The following DDX55 variants were observed in gnomAD, a reference collection of about 807,000 sequenced individuals.
The protein encoded by DDX55 is DEAD-box helicase 55.
In DDX55, 56 loss-of-function variants were observed where a neutral mutation model predicts 69.2. The ratio of observed to expected loss-of-function variants is 0.81; its 90% CI spans 0.65 to 1.01. DDX55 has a LOEUF of 1.01. Ranked by LOEUF, DDX55 falls within the 50% of genes least tolerant of loss-of-function variation. The pLI is 0.00. For missense variants in DDX55, 720 were observed against 745.1 expected (o/e 0.97, Z 0.39); for synonymous variants, 268 against 273.1 (o/e 0.98, Z 0.18).
At chr12:123,605,525 G>GT (rs748123652) in intron 1 of DDX55, 14 of 325,342 alleles carry the variant, frequency 4.3e-5, no homozygotes, top group Admixed American at 8.5e-5. Flanking sequence ...TCTAATTGAG[G>GT]TTTTTTTTGA....
intron 9 of DDX55, among the ~76,000 whole-genome samples, chr12:123,616,142 G>A (rs1225176573): frequency 6.6e-6 from 1 of 152,130 alleles, no homozygotes; most frequent in Non-Finnish European, 1.5e-5. Context: ...TTGAACATCT[G>A]ACTATATTAA....
chr12:123,613,336 A>C, intron 8 of DDX55, 84 bp downstream of exon 8: 1 of 1,346,690 alleles, frequency 7.4e-7, no homozygotes, highest in Non-Finnish European at 1.0e-6. Context: ...TTTGGATTCC[A>C]TCTAGCATGG....
rs1242405061 is a variant in DDX55, at chr12:123,617,838, A to T, written c.1130A>T (p.Glu377Val). 2 of 1,614,072 alleles carry T rather than the reference A, an allele frequency of 1.2e-6. No homozygotes were observed. Among genetic ancestry groups the T allele is most frequent in the African/African-American group, 2.7e-5 (2 of 74,908 alleles). ...SALVFLLPME[E>V]SYINFLAINQ... is the part of the protein sequence containing the mutation. ...CTGGTGTTCCTCCTGCCCATGGAAG[A>T]GTCATACATCAATTTCCTTGCAATT... The change falls in exon 11 of 14, where the codon GAG (glutamate) becomes GTG (valine). Residue 377 changes from glutamate (E) to valine (V), a missense_variant. Coordinates refer to ENST00000238146, the MANE Select transcript of DDX55 (RefSeq NM_020936.3).
At chr12:123,619,361 T>G (rs1954973599) in intron 12 of DDX55, 71 bp from the exon 13 acceptor site, 2 of 1,521,186 alleles carry the variant, frequency 1.3e-6, no homozygotes, top group Admixed American at 4.6e-5. Flanking sequence ...AGAAAAAAAT[T>G]ATATTGTAAG....
At chr12:123,618,949 C>A in intron 12 of DDX55, 112 bp downstream of exon 12, 1 of 1,477,720 alleles carries the variant, frequency 6.8e-7, no homozygotes, top group Non-Finnish European at 9.1e-7. Flanking sequence ...TTTGAGTAGA[C>A]ACAGAATAAA....
rs759051022 is a variant in DDX55, at chr12:123,620,124, T to C, written c.1787T>C (p.Leu596Ser). The change falls in exon 14 of 14, where the codon TTG (leucine) becomes TCG (serine). Residue 596 changes from leucine (L) to serine (S), a missense_variant. Coordinates refer to ENST00000238146, the MANE Select transcript of DDX55 (RefSeq NM_020936.3). ...ACAGTGGATTTAGGGATCTCAGATTTGGAAGATGACTGCTGATTCCAGTGC... is the reference window on the plus strand; with the variant it reads ...ACAGTGGATTTAGGGATCTCAGATTCGGAAGATGACTGCTGATTCCAGTGC... The part of the protein sequence containing the change: ...IKTVDLGISD[L>S]EDDC The C allele has an allele frequency of 1.9e-6, 3 of 1,613,876 alleles. No homozygotes were observed. The highest frequency in any genetic ancestry group is 2.5e-6 in the Non-Finnish European group (3 of 1,179,854).
At chr12:123,619,228 C>T (rs1019167693) in intron 12 of DDX55, among the ~76,000 whole-genome samples, 2 of 152,232 alleles carry the variant, frequency 1.3e-5, no homozygotes, top group Non-Finnish European at 2.9e-5. Flanking sequence ...TGGTCTCGAT[C>T]TCCTGACCTC....
intron 9 of DDX55, 30 bp from the exon 10 acceptor site, chr12:123,616,481 T>G: frequency 6.2e-7 from 1 of 1,608,152 alleles, no homozygotes. Context: ...GTGGCCTCCT[T>G]ACTCAGAATG....
chr12:123,616,636 G>A (rs754517191), intron 10 of DDX55, 33 bp downstream of exon 10: 2 of 1,592,584 alleles, frequency 1.3e-6, no homozygotes, highest in Non-Finnish European at 1.7e-6. Flanking sequence ...ACTCTCTGTT[G>A]AGGAATTTAG....
At chr12:123,619,245 C>T (rs1397132719) in intron 12 of DDX55, among the ~76,000 whole-genome samples, 187 bp from the exon 13 acceptor site, 2 of 152,172 alleles carry the variant, frequency 1.3e-5, no homozygotes, top group South Asian at 2.1e-4. Context: ...CCTCGTGATC[C>T]GCCCACCTCG....
intron 10 of DDX55, among the ~76,000 whole-genome samples, chr12:123,617,062 A>C (rs1954727922): frequency 6.6e-6 from 1 of 152,226 alleles, no homozygotes; most frequent in African/African-American, 2.4e-5. Context: ...AGGCAGGAGA[A>C]TCGCTTGAGC....
chr12:123,603,590 C>G (rs963180846), intron 1 of DDX55, among the ~76,000 whole-genome samples: 4 of 151,888 alleles, frequency 2.6e-5, no homozygotes, highest in Non-Finnish European at 5.9e-5. Context: ...CGGGGTTTCA[C>G]CATCTCGGCC....
rs750323677 is a variant in DDX55 at position 123,620,188 on chromosome 12, T to G, written c.*48T>G. The stretch of plus-strand genomic sequence containing the variant: ...ACAAGGACATAGCTGTTCCCTAACT[T>G]GGTGGATGGCTCCAGTTTGCTTTTA... On this transcript the variant is annotated 3_prime_UTR_variant, in exon 14 of 14. Coordinates refer to ENST00000238146, the MANE Select transcript of DDX55 (RefSeq NM_020936.3). The G allele has an allele frequency of 2.6e-6, 4 of 1,545,108 alleles. No individual in the cohort carries two copies. The highest frequency in any genetic ancestry group is 3.5e-6 in the Non-Finnish European group (4 of 1,141,366).
intron 8 of DDX55, 124 bp from the exon 9 acceptor site, chr12:123,615,061 C>T: frequency 1.5e-6 from 2 of 1,319,948 alleles, no homozygotes; most frequent in Non-Finnish European, 2.1e-6. Context: ...TTTTCCTTGT[C>T]ATTCCCCTAG....
At position 123,618,779 on chromosome 12, in the gene DDX55, T is replaced by C. The variant is rs1318637325; in HGVS notation, c.1275T>C (p.Phe425=). The stretch of plus-strand genomic sequence containing the variant: ...TGTTTGAAAAGGGCATGAAAGCTTT[T>C]GTGTCATATGTCCAAGCTTATGCAA... ...RAVFEKGMKA[F]VSYVQAYAKH... Residue 425 remains phenylalanine (F), a synonymous_variant, in exon 12 of 14, where the codon TTT becomes TTC. Transcript: ENST00000238146. 3 of 1,614,118 alleles carry C rather than the reference T, an allele frequency of 1.9e-6. No individual in the cohort carries two copies. In the South Asian group the frequency reaches 3.3e-5, roughly 18 times the overall value.
chr12:123,602,674 GC>G (rs1261457158), intron 1 of DDX55, among the ~76,000 whole-genome samples: 15 of 152,344 alleles, frequency 9.8e-5, no homozygotes, highest in African/African-American at 3.4e-4. Context: ...CCGTTGTTAT[GC>G]ATCTCTTCAA....
intron 11 of DDX55, 134 bp downstream of exon 11, chr12:123,618,006 C>T: frequency 1.3e-6 from 1 of 754,084 alleles, no homozygotes. Flanking sequence ...AGTGGGGGGC[C>T]CTGGTGGGGT....
In DDX55 at chr12:123,613,191, T is replaced by C. The variant is rs1954396154; in HGVS notation, c.763T>C (p.Phe255Leu). The change falls in exon 8 of 14, where the codon TTT (phenylalanine) becomes CTT (leucine). Residue 255 changes from phenylalanine (F) to leucine (L), a missense_variant. Phe to Leu is a conservative substitution (Grantham distance 22, BLOSUM62 0). Transcript: ENST00000238146. Reference sequence around the variant, plus strand: ...GCAGGTATGCAAGGCAGATGAGAAATTTAATCAGCTGGTCCATTTTCTTCG... The same window carrying C: ...GCAGGTATGCAAGGCAGATGAGAAACTTAATCAGCTGGTCCATTTTCTTCG... The part of the protein sequence containing the change: ...YYMVCKADEK[F>L]NQLVHFLRNH... 6.2e-7 allele frequency: 1 copy of C among 1,614,048 alleles called. No individual in the cohort carries two copies. Among genetic ancestry groups the C allele is most frequent in the Non-Finnish European group, 8.5e-7 (1 of 1,180,036 alleles).
intron 1 of DDX55, among the ~76,000 whole-genome samples, chr12:123,604,332 C>G (rs770734640): frequency 2.0e-5 from 3 of 152,290 alleles, no homozygotes; most frequent in Admixed American, 6.5e-5. Flanking sequence ...CACTTGAGAT[C>G]AGGAGTTCAA....
Sources: gnomAD v4.1 joint callset for allele counts (sites outside exome capture counted in the v4.1 genomes callset) on GRCh38, gnomAD v4.1.1 for gene constraint, MANE v1.5 for transcripts, NCBI Gene and HGNC (gene_info 2026-07-23, HGNC 2026-07-21) for gene names.